Variants in KDM4C observed in about 807,000 individuals in gnomAD.
KDM4C encodes lysine-specific demethylase 4C.
A neutral mutation model predicts 129.3 loss-of-function variants in KDM4C; 81 were observed. That is an observed-to-expected ratio of 0.63 (90% CI 0.52 to 0.75). KDM4C has a LOEUF of 0.75. Among genes scored for constraint, KDM4C ranks in the 30% least tolerant of loss-of-function variants. The pLI is 0.00. For synonymous variants in KDM4C, 573 were observed against 456.1 expected (o/e 1.26, Z -3.26); for missense variants, 1,457 against 1,304.0 (o/e 1.12, Z -1.81).
intron 12 of KDM4C, among the ~76,000 whole-genome samples, chr9:6,997,342 C>G (rs541746673): frequency 8.5e-5 from 13 of 152,284 alleles, no homozygotes; most frequent in African/African-American, 3.1e-4. Flanking sequence ...AAGCCTACAC[C>G]TTTACTTAAG....
intron 15 of KDM4C, among the ~76,000 whole-genome samples, chr9:7,041,662 G>T (rs1286148124): frequency 6.6e-6 from 1 of 151,832 alleles, no homozygotes. Context: ...TTTCTCTTAG[G>T]TTCCTACAGT....
intron 19 of KDM4C, among the ~76,000 whole-genome samples, chr9:7,153,942 G>GTGCTGC (rs555500494): frequency 6.6e-5 from 10 of 152,126 alleles, no homozygotes; most frequent in South Asian, 6.2e-4. Flanking sequence ...AGGCCTGTGG[G>GTGCTGC]TGCTGCTGCT....
intron 1 of KDM4C, among the ~76,000 whole-genome samples, chr9:6,732,009 G>A (rs993976206): frequency 2.6e-5 from 4 of 152,066 alleles, no homozygotes; most frequent in African/African-American, 9.7e-5. Context: ...AATACCAACA[G>A]TTTGGAGTAT....
At chr9:7,146,208 T>A (rs2146789) in intron 19 of KDM4C, among the ~76,000 whole-genome samples, 1 of 152,136 alleles carries the variant, frequency 6.6e-6, no homozygotes, top group Non-Finnish European at 1.5e-5. Context: ...AAGGGAAAAA[T>A]CCTCAAAGGA....
intron 1 of KDM4C, among the ~76,000 whole-genome samples, chr9:6,788,054 C>A (rs1397439386): frequency 6.6e-6 from 1 of 152,218 alleles, no homozygotes; most frequent in Non-Finnish European, 1.5e-5. Context: ...GTTGTTCCTT[C>A]AGCCTAAAAT....
chr9:6,978,555 C>T (rs1833317498), intron 8 of KDM4C: 4 of 152,232 alleles, frequency 2.6e-5, no homozygotes, highest in African/African-American at 9.6e-5. Flanking sequence ...TCTGTCCACT[C>T]AGTCGTTCTG....
chr9:7,117,332 C>A (rs1358688257), intron 18 of KDM4C, among the ~76,000 whole-genome samples: 1 of 152,054 alleles, frequency 6.6e-6, no homozygotes, highest in African/African-American at 2.4e-5. Flanking sequence ...ATATTTGCAT[C>A]TGTTTTAGTG....
At chr9:6,924,643 C>G (rs984370308) in intron 8 of KDM4C, 4 of 507,060 alleles carry the variant, frequency 7.9e-6, no homozygotes, top group Non-Finnish European at 1.0e-5. Flanking sequence ...TAGATCTTCT[C>G]TGATTATTCC....
intron 4 of KDM4C, chr9:6,834,608 T>TC (rs1254083623): frequency 2.9e-5 from 22 of 754,282 alleles, no homozygotes; most frequent in South Asian, 2.7e-4. Context: ...TCGGAAGGAC[T>TC]CCCATGTGGG....
intron 20 of KDM4C, among the ~76,000 whole-genome samples, chr9:7,167,170 T>G (rs1844473573): frequency 6.6e-6 from 1 of 152,186 alleles, no homozygotes; most frequent in South Asian, 2.1e-4. Flanking sequence ...TAAGAATAAT[T>G]TTTTAATAAT....
chr9:7,084,950 AG>A (rs1834942211), intron 17 of KDM4C, among the ~76,000 whole-genome samples: 2 of 152,218 alleles, frequency 1.3e-5, no homozygotes, highest in South Asian at 4.1e-4. Context: ...AGTGCCCATC[AG>A]GGGGCCTGGC....
Position 6,793,013 on chromosome 9 carries a change from C to T in KDM4C, c.25C>T (p.Pro9Ser). Residue 9 changes from proline to serine, a missense_variant, in exon 2 of 22, where the codon CCT becomes TCT. Physicochemically the swap from Pro to Ser is moderately conservative, Grantham distance 74 (BLOSUM62 -1). Coordinates refer to ENST00000381309, the MANE Select transcript of KDM4C (RefSeq NM_015061.6). MEVAEVESPLNPSCKIMTF... is the reference protein window; with the variant it reads MEVAEVESSLNPSCKIMTF... Reference sequence around the variant, plus strand: ...CATGGAGGTGGCCGAGGTGGAAAGTCCTCTGAACCCCAGCTGTAAGATAAT... The same window carrying T: ...CATGGAGGTGGCCGAGGTGGAAAGTTCTCTGAACCCCAGCTGTAAGATAAT... The T allele has an allele frequency of 1.2e-6, 2 of 1,614,152 alleles. No individual in the cohort carries two copies. Among genetic ancestry groups the T allele is most frequent in the Middle Eastern group, 1.6e-4 (1 of 6,062 alleles).
chr9:6,730,627 AAGT>A (rs1008384243), intron 1 of KDM4C, among the ~76,000 whole-genome samples: 12 of 151,950 alleles, frequency 7.9e-5, no homozygotes, highest in African/African-American at 2.7e-4. Flanking sequence ...AAAAAAAAAA[AAGT>A]AATAATAATA....
At position 7,108,528 on chromosome 9, in the gene KDM4C, C is replaced by T. The variant is rs137952075; in HGVS notation, c.2610+4658C>T. On this transcript the variant is annotated intron_variant, in intron 18 of 21. Transcript: ENST00000381309. Reference sequence around the variant, plus strand: ...CTGGGATTACAGGCATGAGCCACTGCGCCCAGCCTGAATGCTTTTTCCAGC... The same window carrying T: ...CTGGGATTACAGGCATGAGCCACTGTGCCCAGCCTGAATGCTTTTTCCAGC... Among the ~76,000 whole-genome samples, 173 of 152,304 alleles carry T rather than the reference C, an allele frequency of 1.1e-3. 1 individual carries two copies. The highest frequency in any genetic ancestry group is 3.9e-3 in the African/African-American group (160 of 41,558).
chr9:6,757,883 C>T (rs867343746), upstream of KDM4C: 49 of 985,412 alleles, frequency 5.0e-5, no homozygotes, highest in African/African-American at 8.2e-4. Context: ...AAGAGCGTGC[C>T]GGGCACCTTT....
At chr9:7,048,991 G>T in intron 16 of KDM4C, 101 bp from the exon 17 acceptor site, 3 of 702,570 alleles carry the variant, frequency 4.3e-6, no homozygotes, top group Non-Finnish European at 2.5e-6. Flanking sequence ...TGGCTTTCTT[G>T]CTCATCTGTG....
At chr9:6,848,922 T>G (rs1181807666) in intron 4 of KDM4C, among the ~76,000 whole-genome samples, 1 of 152,240 alleles carries the variant, frequency 6.6e-6, no homozygotes, top group Non-Finnish European at 1.5e-5. Flanking sequence ...AGAAGCACAG[T>G]GATCAGTGGA....
chr9:6,881,450 T>G (rs1844442844), intron 6 of KDM4C, among the ~76,000 whole-genome samples: 1 of 152,196 alleles, frequency 6.6e-6, no homozygotes, highest in Non-Finnish European at 1.5e-5. Context: ...AACACTTAAC[T>G]ACGTAGGAAG....
chr9:6,957,744 G>A (rs995762739), intron 8 of KDM4C, among the ~76,000 whole-genome samples: 2 of 152,124 alleles, frequency 1.3e-5, no homozygotes, highest in African/African-American at 2.4e-5. Flanking sequence ...GTGGGGAGGG[G>A]GTGAAAACAT....
Sources: gnomAD v4.1 joint callset for allele counts (sites outside exome capture counted in the v4.1 genomes callset) on GRCh38, gnomAD v4.1.1 for gene constraint, MANE v1.5 for transcripts, NCBI Gene and HGNC (gene_info 2026-07-23, HGNC 2026-07-21) for gene names.